The following MLF2 variants were observed in gnomAD, a reference collection of about 807,000 sequenced individuals.
The protein encoded by MLF2 is myeloid leukemia factor 2, also known as myelodysplasia-myeloid leukemia factor 2.
Under a neutral mutation model 31.4 loss-of-function variants are expected in MLF2, and 12 were observed. The observed-to-expected ratio is 0.38, with a 90% CI of 0.24 to 0.62. The LOEUF is 0.62. Ranked by LOEUF, MLF2 falls within the 20% of genes least tolerant of loss-of-function variation. The pLI is 0.58. For missense variants in MLF2, 272 were observed against 359.7 expected, an observed-to-expected ratio of 0.76 and a Z score of 1.97; for synonymous variants, 109 against 118.8, an observed-to-expected ratio of 0.92 and a Z score of 0.54.
Position 6,752,755 on chromosome 12 carries a change from C to G in MLF2, c.-29+184G>C, listed in dbSNP as rs1161072625. 5.7e-6 allele frequency: 1 copy of G among 174,278 alleles called. No individual in the cohort carries two copies. Among genetic ancestry groups the G allele is most frequent in the Admixed American group, 5.9e-5 (1 of 16,988 alleles). The allele number at this position is 174,278 out of a possible 1,614,324, so 10.8% of individuals were successfully genotyped here. A position where few individuals can be genotyped will look rare whatever the true frequency, so the allele number is the denominator to read the frequency against. ...CCCCTCCTTACACTCAGGCCTCCCCCAGGCGGGCCTCACTAAGCCCCCCGC... is the reference window on the plus strand; with the variant it reads ...CCCCTCCTTACACTCAGGCCTCCCCGAGGCGGGCCTCACTAAGCCCCCCGC... On this transcript the variant is annotated intron_variant, in intron 1 of 8. Coordinates refer to ENST00000203630, the MANE Select transcript of MLF2 (RefSeq NM_001382226.1). This position sits in a 1 kb window ranked among gnomAD's most constrained non-coding sequence, Gnocchi z 4.6.
chr12:6,750,654 A>C lies in MLF2; in HGVS notation c.270+59T>G. On this transcript the variant is annotated intron_variant, in intron 5 of 8. Coordinates refer to ENST00000203630, the MANE Select transcript of MLF2 (RefSeq NM_001382226.1). The surrounding 1 kb of genome is among the most constrained non-coding windows in gnomAD (Gnocchi z 5.3). The stretch of plus-strand genomic sequence containing the variant: ...GTTTCCCTCTTGCCTTAGAGGATGC[A>C]AGGTGTTGTCAGCCATCACTGAGAG... The C allele has an allele frequency of 1.9e-6, 3 of 1,539,732 alleles. No homozygotes were observed. The highest frequency in any genetic ancestry group is 2.7e-6 in the Non-Finnish European group (3 of 1,112,944).
rs1941560603 is a variant in MLF2, at chr12:6,748,597, A to G, written c.*26-50T>C. 1 of 492,198 alleles carries G rather than the reference A, an allele frequency of 2.0e-6. No individual in the cohort carries two copies. The highest frequency in any genetic ancestry group is 4.2e-5 in the Admixed American group (1 of 23,576). 30.5% of individuals were successfully genotyped at this position (492,198 alleles called of 1,614,324 possible). A position where few individuals can be genotyped will look rare whatever the true frequency, so the allele number is the denominator to read the frequency against. ...ACAAGTCAAAAGGAAGAAAAAACTT[A>G]CGTTAAGAGCCAGGAGTTGGGGTTT... On this transcript the variant is annotated intron_variant, in intron 8 of 8. Coordinates refer to ENST00000203630, the MANE Select transcript of MLF2 (RefSeq NM_001382226.1). This position sits in a 1 kb window ranked among gnomAD's most constrained non-coding sequence, Gnocchi z 4.6.
At position 6,748,814 on chromosome 12, in the gene MLF2, G is replaced by C; in HGVS notation, c.728C>G (p.Ser243Cys). 6.5e-7 allele frequency: 1 copy of C among 1,542,380 alleles called. No homozygotes were observed. The highest frequency in any genetic ancestry group is 8.7e-7 in the Non-Finnish European group (1 of 1,152,992). Residue 243 changes from serine (S) to cysteine (C), a missense_variant, in exon 8 of 9, where the codon TCC becomes TGC. Ser to Cys is a moderately radical substitution (Grantham distance 112, BLOSUM62 -1). Transcript: ENST00000203630. The surrounding 1 kb of genome is among the most constrained non-coding windows in gnomAD (Gnocchi z 4.6). The stretch of plus-strand genomic sequence containing the variant: ...GGGCCCTCACCAGTCATAGCGGCGG[G>C]ACTGTCGGGAAGGGGAGTCCTCAGG... ...QGPEDSPSRQSRRYDW is the reference protein window; with the variant it reads ...QGPEDSPSRQCRRYDW
Position 6,749,007 on chromosome 12 carries a change from G to T in MLF2, c.560-25C>A. 6.5e-7 allele frequency: 1 copy of T among 1,539,698 alleles called. No homozygotes were observed. Among genetic ancestry groups the T allele is most frequent in the South Asian group, 1.3e-5 (1 of 79,970 alleles). ...CCTGGAAAGGACAGAGCGGACATGAGGCCTGTGTGCGGCCTGGCTCCTGGA... is the reference window on the plus strand; with the variant it reads ...CCTGGAAAGGACAGAGCGGACATGATGCCTGTGTGCGGCCTGGCTCCTGGA... On this transcript the variant is annotated intron_variant, in intron 7 of 8. Coordinates refer to ENST00000203630, the MANE Select transcript of MLF2 (RefSeq NM_001382226.1). This position sits in a 1 kb window ranked among gnomAD's most constrained non-coding sequence, Gnocchi z 5.3.
In MLF2 at chr12:6,752,689, G is replaced by A. The variant is rs773062602; in HGVS notation, c.-29+250C>T. On this transcript the variant is annotated intron_variant, in intron 1 of 8. Coordinates refer to ENST00000203630, the MANE Select transcript of MLF2 (RefSeq NM_001382226.1). This position sits in a 1 kb window ranked among gnomAD's most constrained non-coding sequence, Gnocchi z 4.6. ...ACACCGTTCTAGATGAGAATGCCAA[G>A]TGCAGGTCCTCCGCCCCATTAATGA... is the stretch of plus-strand genomic sequence containing the variant. The A allele has an allele frequency of 1.9e-5, 4 of 215,942 alleles. No individual in the cohort carries two copies. The highest frequency in any genetic ancestry group is 4.6e-5 in the African/African-American group (2 of 43,720). 13.4% of individuals were successfully genotyped at this position (215,942 alleles called of 1,614,324 possible). A position where few individuals can be genotyped will look rare whatever the true frequency, so the allele number is the denominator to read the frequency against.
chr12:6,752,567 A>C lies in MLF2; in HGVS notation c.-28-205T>G. The C allele has an allele frequency of 2.1e-6, 1 of 486,100 alleles. No individual in the cohort carries two copies. 30.1% of individuals were successfully genotyped at this position (486,100 alleles called of 1,614,324 possible). A position where few individuals can be genotyped will look rare whatever the true frequency, so the allele number is the denominator to read the frequency against. On this transcript the variant is annotated intron_variant, in intron 1 of 8. Coordinates refer to ENST00000203630, the MANE Select transcript of MLF2 (RefSeq NM_001382226.1). The surrounding 1 kb of genome is among the most constrained non-coding windows in gnomAD (Gnocchi z 4.6). ...TCTTTCTCAATTAGGGCCATGGAAA[A>C]TTTTTCCAACCCTCTCGGTTTTTCC...
chr12:6,748,999 G>T lies in MLF2; in HGVS notation c.560-17C>A. On this transcript the variant is annotated splice_polypyrimidine_tract_variant and intron_variant, in intron 7 of 8. Coordinates refer to ENST00000203630, the MANE Select transcript of MLF2 (RefSeq NM_001382226.1). The surrounding 1 kb of genome is among the most constrained non-coding windows in gnomAD (Gnocchi z 4.6). Reference sequence around the variant, plus strand: ...CGGCCTCACCTGGAAAGGACAGAGCGGACATGAGGCCTGTGTGCGGCCTGG... The same window carrying T: ...CGGCCTCACCTGGAAAGGACAGAGCTGACATGAGGCCTGTGTGCGGCCTGG... The T allele has an allele frequency of 6.4e-7, 1 of 1,559,484 alleles. No individual in the cohort carries two copies. The highest frequency in any genetic ancestry group is 8.6e-7 in the Non-Finnish European group (1 of 1,158,642).
chr12:6,750,681 A>G lies in MLF2; in HGVS notation c.270+32T>C. ...GGTGTTGTCAGCCATCACTGAGAGC[A>G]AGGCCGGGGAAGGGTATGGGGCAAG... is the stretch of plus-strand genomic sequence containing the variant. On this transcript the variant is annotated intron_variant, in intron 5 of 8. Coordinates refer to ENST00000203630, the MANE Select transcript of MLF2 (RefSeq NM_001382226.1). This position sits in a 1 kb window ranked among gnomAD's most constrained non-coding sequence, Gnocchi z 5.3. The G allele has an allele frequency of 1.2e-6, 2 of 1,608,452 alleles. No individual in the cohort carries two copies. Among genetic ancestry groups the G allele is most frequent in the Non-Finnish European group, 1.7e-6 (2 of 1,174,904 alleles).
At chr12:6,751,117 C>T (rs1326630213) in intron 4 of MLF2, 1 of 305,380 alleles carries the variant, frequency 3.3e-6, no homozygotes, top group Non-Finnish European at 6.2e-6. Context: ...TCTAGTTGGC[C>T]CTTTAACTGC....
In MLF2 at chr12:6,749,898, T is replaced by C. The variant is rs1434456882; in HGVS notation, c.509A>G (p.His170Arg). 1 of 1,614,150 alleles carries C rather than the reference T, an allele frequency of 6.2e-7. No homozygotes were observed. The highest frequency in any genetic ancestry group is 1.1e-5 in the South Asian group (1 of 91,082). ...CCGCTCCTCCTGGTCCCCCGTGCGATGGTTTCGGGAGCGCTGGAGGATGTG... is the reference window on the plus strand; with the variant it reads ...CCGCTCCTCCTGGTCCCCCGTGCGACGGTTTCGGGAGCGCTGGAGGATGTG... ...RAHILQRSRN[H>R]RTGDQEERQD... The change falls in exon 7 of 9, where the codon CAT becomes CGT. Residue 170 changes from histidine to arginine, a missense_variant. Coordinates refer to ENST00000203630, the MANE Select transcript of MLF2 (RefSeq NM_001382226.1). This position sits in a 1 kb window ranked among gnomAD's most constrained non-coding sequence, Gnocchi z 5.3.
intron 3 of MLF2, 37 bp from the exon 4 acceptor site, chr12:6,751,713 C>T (rs750162340): frequency 3.7e-6 from 6 of 1,611,784 alleles, no homozygotes; most frequent in Non-Finnish European, 5.1e-6. Flanking sequence ...TTAGAGACCA[C>T]ATCCTATCTC....
chr12:6,748,908 G>A lies in MLF2; in HGVS notation c.634C>T (p.Arg212Trp), dbSNP rs925078625. 9.4e-6 allele frequency: 15 copies of A among 1,601,866 alleles called. No homozygotes were observed. The highest frequency in any genetic ancestry group is 1.7e-5 in the Admixed American group (1 of 58,340). The stretch of plus-strand genomic sequence containing the variant: ...CCAGCCCCTGAGGACTCAAGCCGCC[G>A]AAACTCCAGGGGACGCTGCTGCCGG... ...RFRQQRPLEF[R>W]RLESSGAGGR... The change falls in exon 8 of 9, where the codon CGG (arginine) becomes TGG (tryptophan). Residue 212 changes from arginine to tryptophan, a missense_variant. Physicochemically the swap from Arg to Trp is moderately radical, Grantham distance 101. Transcript: ENST00000203630. The surrounding 1 kb of genome is among the most constrained non-coding windows in gnomAD (Gnocchi z 4.6).
chr12:6,748,722 G>C lies in MLF2; in HGVS notation c.*25+48C>G. The C allele has an allele frequency of 7.2e-7, 1 of 1,393,454 alleles. No individual in the cohort carries two copies. Among genetic ancestry groups the C allele is most frequent in the Non-Finnish European group, 9.5e-7 (1 of 1,052,958 alleles). 86.3% of individuals were successfully genotyped at this position (1,393,454 alleles called of 1,614,324 possible). ...CCTGAACTGAGCCTGCCTTGCAGCC[G>C]AGGACCGTCCGCAGGTGCACCCCAC... is the stretch of plus-strand genomic sequence containing the variant. On this transcript the variant is annotated intron_variant, in intron 8 of 8. Transcript: ENST00000203630. The surrounding 1 kb of genome is among the most constrained non-coding windows in gnomAD (Gnocchi z 4.6).
rs1218123817 is a variant in MLF2 at position 6,751,652 on chromosome 12, T to C, written c.205A>G (p.Met69Val). ...AGATAAAGACTCACCATTCCCAGCATCCCAAAGGGGGAGACAGCTCCAGCC... is the reference window on the plus strand; with the variant it reads ...AGATAAAGACTCACCATTCCCAGCACCCCAAAGGGGGAGACAGCTCCAGCC... ...QQAGAVSPFG[M>V]LGMSGGFMDM... The change falls in exon 4 of 9, where the codon ATG becomes GTG. Residue 69 changes from methionine to valine, a missense_variant. Transcript: ENST00000203630. 6.2e-6 allele frequency: 10 copies of C among 1,613,872 alleles called. No homozygotes were observed. The highest frequency in any genetic ancestry group is 1.3e-5 in the African/African-American group (1 of 74,876).
Position 6,749,731 on chromosome 12 carries a change from A to G in MLF2, c.559+117T>C, listed in dbSNP as rs1941582569. On this transcript the variant is annotated intron_variant, in intron 7 of 8. Transcript: ENST00000203630. This position sits in a 1 kb window ranked among gnomAD's most constrained non-coding sequence, Gnocchi z 5.3. The stretch of plus-strand genomic sequence containing the variant: ...AGAGCGAGACTCCATCTCAAAAAAA[A>G]AAAAAAAGGAATATGGGGCTGACCC... 7.2e-7 allele frequency: 1 copy of G among 1,389,748 alleles called. No individual in the cohort carries two copies. Among genetic ancestry groups the G allele is most frequent in the African/African-American group, 1.5e-5 (1 of 68,950 alleles). 86.1% of individuals were successfully genotyped at this position (1,389,748 alleles called of 1,614,324 possible).
At position 6,750,834 on chromosome 12, in the gene MLF2, G is replaced by A; in HGVS notation, c.217-68C>T. ...AGTGTTCAGAGTTGATCCTGTTTAG[G>A]AACCCACAACCCACATGGCTGCACA... On this transcript the variant is annotated intron_variant, in intron 4 of 8. Transcript: ENST00000203630. This position sits in a 1 kb window ranked among gnomAD's most constrained non-coding sequence, Gnocchi z 5.3. 1 of 1,422,708 alleles carries A rather than the reference G, an allele frequency of 7.0e-7. No individual in the cohort carries two copies. Among genetic ancestry groups the A allele is most frequent in the Non-Finnish European group, 9.9e-7 (1 of 1,009,312 alleles). The allele number at this position is 1,422,708 out of a possible 1,614,324, so 88.1% of individuals were successfully genotyped here. A position where few individuals can be genotyped will look rare whatever the true frequency, so the allele number is the denominator to read the frequency against.
In MLF2 at chr12:6,751,688, C is replaced by T. The variant is rs1565475278; in HGVS notation, c.181-12G>A. ...GAGACAGCTCCAGCCTACAGGAACA[C>T]ATGAGGAACAGAAATTAGAGACCAC... On this transcript the variant is annotated splice_polypyrimidine_tract_variant and intron_variant, in intron 3 of 8. Coordinates refer to ENST00000203630, the MANE Select transcript of MLF2 (RefSeq NM_001382226.1). 1.2e-6 allele frequency: 2 copies of T among 1,613,904 alleles called. No homozygotes were observed. Among genetic ancestry groups the T allele is most frequent in the Admixed American group, 3.3e-5 (2 of 60,006 alleles).
rs527617541 is a variant in MLF2, at chr12:6,753,089, T to A, written c.-179A>T. The A allele has an allele frequency of 5.6e-4, 220 of 389,928 alleles. No individual in the cohort carries two copies. The highest frequency in any genetic ancestry group is 7.2e-4 in the Non-Finnish European group (160 of 221,068). The allele number at this position is 389,928 out of a possible 1,614,324, so 24.2% of individuals were successfully genotyped here. Reference sequence around the variant, plus strand: ...CCTCCTCCCACAGCTGCCACCTCCGTACGGCCCCCTCGGCCAACGGAGCCC... The same window carrying A: ...CCTCCTCCCACAGCTGCCACCTCCGAACGGCCCCCTCGGCCAACGGAGCCC... On this transcript the variant is annotated 5_prime_UTR_variant, in exon 1 of 9. Transcript: ENST00000203630.
rs1318328551 is a variant in MLF2 at position 6,752,375 on chromosome 12, G to A, written c.-28-13C>T. The A allele has an allele frequency of 6.5e-7, 1 of 1,549,966 alleles. No individual in the cohort carries two copies. The highest frequency in any genetic ancestry group is 2.5e-5 in the East Asian group (1 of 40,766). On this transcript the variant is annotated splice_polypyrimidine_tract_variant and intron_variant, in intron 1 of 8. Coordinates refer to ENST00000203630, the MANE Select transcript of MLF2 (RefSeq NM_001382226.1). This position sits in a 1 kb window ranked among gnomAD's most constrained non-coding sequence, Gnocchi z 4.6. ...AGGGGGCTCCACACTGGAAAGATAT[G>A]GAAGCTCAGATACTTGGAGGTGGCC...
Sources: allele counts gnomAD v4.1 joint callset, GRCh38; gene constraint gnomAD v4.1.1; non-coding constraint Gnocchi (gnomAD v3.1); transcripts MANE v1.5; gene names NCBI Gene and HGNC (gene_info 2026-07-23, HGNC 2026-07-21).